Variants in SLC5A7 observed in about 807,000 individuals in gnomAD.
SLC5A7 encodes the protein solute carrier family 5 member 7, also known as high affinity choline transporter 1.
Under a neutral mutation model 55.4 loss-of-function variants are expected in SLC5A7, and 19 were observed. That is an observed-to-expected ratio of 0.34 (90% CI 0.24 to 0.50). The LOEUF (loss-of-function observed/expected upper bound fraction) is 0.50, where lower values mean the gene tolerates loss of function less well. SLC5A7 is among the 20% of genes least tolerant of loss of function. The pLI is 0.98. For missense variants in SLC5A7, 506 were observed against 705.3 expected, an observed-to-expected ratio of 0.72 and a Z score of 3.20; for synonymous variants, 265 against 263.7, an observed-to-expected ratio of 1.00 and a Z score of -0.05.
At chr2:107,988,677 G>T (rs1677336246) in intron 2 of SLC5A7, among the ~76,000 whole-genome samples, 1 of 152,046 alleles carries the variant, frequency 6.6e-6, no homozygotes, top group Non-Finnish European at 1.5e-5. Context: ...TACAAGCTAT[G>T]TATCTGCTAA....
At chr2:108,003,342 C>T (rs1332301020) in intron 6 of SLC5A7, among the ~76,000 whole-genome samples, 1 of 152,216 alleles carries the variant, frequency 6.6e-6, no homozygotes, top group East Asian at 1.9e-4. Flanking sequence ...CTTTCCCCTA[C>T]AGCACACTTT....
At position 108,013,698 on chromosome 2, in the gene SLC5A7, G is replaced by C. The variant is rs1678426983; in HGVS notation, c.*2837G>C. On this transcript the variant is annotated 3_prime_UTR_variant, in exon 9 of 9. Coordinates refer to ENST00000264047, the MANE Select transcript of SLC5A7 (RefSeq NM_021815.5). ...GGCAACACCTGTGGATAAAACATTAGAAGAAAACATATATTTTATTTTCAT... is the reference window on the plus strand; with the variant it reads ...GGCAACACCTGTGGATAAAACATTACAAGAAAACATATATTTTATTTTCAT... 1 of 152,108 alleles carries C rather than the reference G, an allele frequency of 6.6e-6. No homozygotes were observed. The highest frequency in any genetic ancestry group is 2.4e-5 in the African/African-American group (1 of 41,440). The allele number at this position is 152,108 out of a possible 1,614,324, so 9.4% of individuals were successfully genotyped here.
Position 108,012,854 on chromosome 2 carries a change from A to T in SLC5A7, c.*1993A>T, listed in dbSNP as rs936263389. 4 of 152,154 alleles carry T rather than the reference A, an allele frequency of 2.6e-5. No homozygotes were observed. Among genetic ancestry groups the T allele is most frequent in the African/African-American group, 9.7e-5 (4 of 41,450 alleles). 9.4% of individuals were successfully genotyped at this position (152,154 alleles called of 1,614,324 possible). A position where few individuals can be genotyped will look rare whatever the true frequency, so the allele number is the denominator to read the frequency against. On this transcript the variant is annotated 3_prime_UTR_variant, in exon 9 of 9. Transcript: ENST00000264047. ...ACTGAAACATTTGACACATAAAAGTAATTAATTGCTGGAGACTACAATTCC... is the reference window on the plus strand; with the variant it reads ...ACTGAAACATTTGACACATAAAAGTTATTAATTGCTGGAGACTACAATTCC...
rs769216593 is a variant in SLC5A7, at chr2:107,992,269, CAA to C, written c.292+51_292+52del. On this transcript the variant is annotated intron_variant, in intron 3 of 8. Coordinates refer to ENST00000264047, the MANE Select transcript of SLC5A7 (RefSeq NM_021815.5). ...GACTCACTCAGTAAAGTATACAGAA[CAA>C]GAGTATAAATAACAAGTGGAATAAC... 1.7e-5 allele frequency: 18 copies of C among 1,079,106 alleles called. No homozygotes were observed. The African/African-American group carries it at 2.6e-4, about 16-fold the overall frequency. 66.8% of individuals were successfully genotyped at this position (1,079,106 alleles called of 1,614,324 possible).
Position 107,988,092 on chromosome 2 carries a change from G to A in SLC5A7, c.-51-13G>A, listed in dbSNP as rs1410565383. On this transcript the variant is annotated splice_polypyrimidine_tract_variant and intron_variant, in intron 1 of 8. Coordinates refer to ENST00000264047, the MANE Select transcript of SLC5A7 (RefSeq NM_021815.5). Reference sequence around the variant, plus strand: ...CTTGACTGGTTTATAATGCATCCCTGTATTTTCTTCAGAAGACTTAATGAA... The same window carrying A: ...CTTGACTGGTTTATAATGCATCCCTATATTTTCTTCAGAAGACTTAATGAA... The A allele has an allele frequency of 7.1e-6, 11 of 1,545,364 alleles. No individual in the cohort carries two copies. The Admixed American group carries it at 1.9e-4, about 27-fold the overall frequency.
intron 7 of SLC5A7, 30 bp downstream of exon 7, chr2:108,006,232 C>G: frequency 3.7e-6 from 6 of 1,611,824 alleles, no homozygotes; most frequent in Non-Finnish European, 5.1e-6. Flanking sequence ...ACCACATGTG[C>G]CAGTTAGTTT....
rs1016818487 is a variant in SLC5A7, at chr2:108,011,860, ATAG to A, written c.*1005_*1007del. The A allele has an allele frequency of 1.3e-5, 2 of 152,242 alleles. No individual in the cohort carries two copies. Among genetic ancestry groups the A allele is most frequent in the Non-Finnish European group, 2.9e-5 (2 of 67,996 alleles). 9.4% of individuals were successfully genotyped at this position (152,242 alleles called of 1,614,324 possible). A position where few individuals can be genotyped will look rare whatever the true frequency, so the allele number is the denominator to read the frequency against. ...TGGGAAGCCTCCACAACACCTCCTG[ATAG>A]TAGTAAAATTAGAAAAAAACAAACT... On this transcript the variant is annotated 3_prime_UTR_variant, in exon 9 of 9. Coordinates refer to ENST00000264047, the MANE Select transcript of SLC5A7 (RefSeq NM_021815.5).
intron 2 of SLC5A7, among the ~76,000 whole-genome samples, chr2:107,990,657 A>G (rs759907647): frequency 1.3e-5 from 2 of 152,206 alleles, no homozygotes; most frequent in Non-Finnish European, 2.9e-5. Flanking sequence ...ATTTGTCTCC[A>G]GGATTTTGTA....
intron 5 of SLC5A7, among the ~76,000 whole-genome samples, chr2:108,000,537 A>G (rs903046837): frequency 3.9e-5 from 6 of 152,124 alleles, no homozygotes; most frequent in African/African-American, 7.2e-5. Flanking sequence ...GACTCAAGCA[A>G]TCCTCTAACA....
intron 5 of SLC5A7, among the ~76,000 whole-genome samples, chr2:107,998,351 T>C (rs1677759451): frequency 6.6e-6 from 1 of 152,188 alleles, no homozygotes; most frequent in South Asian, 2.1e-4. Context: ...AGTCTCCCTT[T>C]ACGTTAGTTG....
chr2:107,992,937 T>C (rs1677506635), intron 3 of SLC5A7, 35 bp from the exon 4 acceptor site: 1 of 1,605,266 alleles, frequency 6.2e-7, no homozygotes, highest in Non-Finnish European at 8.5e-7. Flanking sequence ...ATTACATTCT[T>C]TTTATTTTCT....
Position 108,010,712 on chromosome 2 carries a change from G to T in SLC5A7, c.1594G>T (p.Val532Phe). Residue 532 changes from valine (V) to phenylalanine (F), a missense_variant, in exon 9 of 9, where the codon GTC becomes TTC. Around this residue, in one of 4 missense-constraint regions of SLC5A7, gnomAD observed 137 missense variants for 143.6 expected, o/e 0.95. Coordinates refer to ENST00000264047, the MANE Select transcript of SLC5A7 (RefSeq NM_021815.5). Reference sequence around the variant, plus strand: ...AGAAAACATGGATAAGACAATTCTTGTCAAAAATGAAAATATTAAATTAGA... The same window carrying T: ...AGAAAACATGGATAAGACAATTCTTTTCAAAAATGAAAATATTAAATTAGA... The part of the protein sequence containing the change: ...SEENMDKTIL[V>F]KNENIKLDEL... The T allele has an allele frequency of 6.2e-7, 1 of 1,613,758 alleles. No homozygotes were observed. Among genetic ancestry groups the T allele is most frequent in the Non-Finnish European group, 8.5e-7 (1 of 1,179,866 alleles).
chr2:107,998,866 T>C (rs1291354512), intron 5 of SLC5A7, among the ~76,000 whole-genome samples: 1 of 125,232 alleles, frequency 8.0e-6, no homozygotes, highest in Middle Eastern at 3.3e-3. Flanking sequence ...CTCATCTTTA[T>C]TTATTTATCT....
In SLC5A7 at chr2:108,004,514, G is replaced by T. The variant is rs189771034; in HGVS notation, c.742-1535G>T. Among the ~76,000 whole-genome samples, 12 of 152,264 alleles carry T rather than the reference G, an allele frequency of 7.9e-5. No individual in the cohort carries two copies. In the East Asian group the frequency reaches 9.6e-4, roughly 12 times the overall value. On this transcript the variant is annotated intron_variant, in intron 6 of 8. Transcript: ENST00000264047. Reference sequence around the variant, plus strand: ...ACCCAGAGCCCAGTGAGAGAGACAGGCAGTTAATGAAACCTTAATACATTG... The same window carrying T: ...ACCCAGAGCCCAGTGAGAGAGACAGTCAGTTAATGAAACCTTAATACATTG...
At chr2:108,010,001 C>A (rs1401060864) in intron 8 of SLC5A7, among the ~76,000 whole-genome samples, 1 of 152,154 alleles carries the variant, frequency 6.6e-6, no homozygotes, top group Non-Finnish European at 1.5e-5. Flanking sequence ...CTCAGGTGGC[C>A]TGTGTGTCAT....
chr2:107,988,476 A>T, intron 2 of SLC5A7, 143 bp downstream of exon 2: 2 of 589,340 alleles, frequency 3.4e-6, no homozygotes, highest in East Asian at 3.4e-5. Flanking sequence ...TATATATTTT[A>T]AAATAATTTT....
At position 108,011,000 on chromosome 2, in the gene SLC5A7, T is replaced by C; in HGVS notation, c.*139T>C. 4 of 919,224 alleles carry C rather than the reference T, an allele frequency of 4.4e-6. No homozygotes were observed. The highest frequency in any genetic ancestry group is 6.0e-6 in the Non-Finnish European group (4 of 667,348). 56.9% of individuals were successfully genotyped at this position (919,224 alleles called of 1,614,324 possible). ...AGTAAAAATTCATATAAAGTGCAAT[T>C]GCACAAATACAAGCCAAGCTAGAAG... On this transcript the variant is annotated 3_prime_UTR_variant, in exon 9 of 9. Coordinates refer to ENST00000264047, the MANE Select transcript of SLC5A7 (RefSeq NM_021815.5).
intron 6 of SLC5A7, 114 bp from the exon 7 acceptor site, chr2:108,005,935 A>AT (rs994645677): frequency 7.3e-5 from 97 of 1,327,216 alleles, no homozygotes; most frequent in East Asian, 2.7e-4. Context: ...TACATGCCAC[A>AT]TTTTTTTTAC....
intron 2 of SLC5A7, among the ~76,000 whole-genome samples, chr2:107,990,795 T>A (rs1677425512): frequency 6.6e-6 from 1 of 152,182 alleles, no homozygotes; most frequent in Admixed American, 6.5e-5. Context: ...ATAAACACAA[T>A]AGAAACACAT....
Sources: gnomAD v4.1 joint callset for allele counts (sites outside exome capture counted in the v4.1 genomes callset) on GRCh38, gnomAD v4.1.1 for gene constraint, gnomAD v4.1.1 regional missense constraint, MANE v1.5 for transcripts, NCBI Gene and HGNC (gene_info 2026-07-23, HGNC 2026-07-21) for gene names.